The following CFTR variants were observed in gnomAD, a reference collection of about 807,000 sequenced individuals.
The protein encoded by CFTR is CF transmembrane conductance regulator, also known as cystic fibrosis transmembrane conductance regulator.
In CFTR, 181 loss-of-function variants were observed where a neutral mutation model predicts 171.6. The ratio of observed to expected loss-of-function variants is 1.05; its 90% CI spans 0.93 to 1.19. The LOEUF is 1.19. Ranked by LOEUF, CFTR falls within the 50% of genes most tolerant of loss-of-function variation. The pLI is 0.00. For missense variants in CFTR, 1,968 were observed against 1,734.7 expected (o/e 1.13, Z -2.39); for synonymous variants, 583 against 608.0 (o/e 0.96, Z 0.60).
At position 117,664,775 on chromosome 7, in the gene CFTR, A is replaced by G. The variant is rs397508666; in HGVS notation, c.4051A>G (p.Lys1351Glu). Reference sequence around the variant, plus strand: ...GGGCTGTGTCCTAAGCCATGGCCACAAGCAGTTGATGTGCTTGGCTAGATC... The same window carrying G: ...GGGCTGTGTCCTAAGCCATGGCCACGAGCAGTTGATGTGCTTGGCTAGATC... Reference protein sequence around the residue: ...DGGCVLSHGHKQLMCLARSVL... With the variant: ...DGGCVLSHGHEQLMCLARSVL... Residue 1351 changes from lysine to glutamate, a missense_variant, in exon 25 of 27, where the codon AAG becomes GAG. Physicochemically the swap from Lys to Glu is moderately conservative, Grantham distance 56 (BLOSUM62 1). Transcript: ENST00000003084. 6.2e-7 allele frequency: 1 copy of G among 1,614,066 alleles called. No individual in the cohort carries two copies.
intron 3 of CFTR, among the ~76,000 whole-genome samples, chr7:117,513,958 G>T (rs1262395272): frequency 6.6e-6 from 1 of 152,080 alleles, no homozygotes; most frequent in East Asian, 1.9e-4. Context: ...ATGCAACTCT[G>T]CCCTACCCCA....
chr7:117,524,714 T>G (rs752419767), intron 3 of CFTR, among the ~76,000 whole-genome samples: 19 of 152,216 alleles, frequency 1.2e-4, no homozygotes, highest in Admixed American at 1.2e-3. Flanking sequence ...CTTTCACTGA[T>G]TGCAGTAGCT....
rs1584822887 is a variant in CFTR at position 117,612,039 on chromosome 7, A to ATATATATATATATATG, written c.3367+245_3367+246insTGTATATATATATATA. ...TATATATATGTATATATATATATAT[A>ATATATATATATATATG]TATATATATATATACATATATATAT... On this transcript the variant is annotated intron_variant, in intron 20 of 26. Transcript: ENST00000003084. 1.5e-4 allele frequency among the ~76,000 whole-genome samples: 11 copies of ATATATATATATATATG among 73,658 alleles called. 1 individual carries two copies. In the East Asian group the frequency reaches 1.6e-3, roughly 10 times the overall value. 48.3% of individuals were successfully genotyped at this position (73,658 alleles called of 152,430 possible).
At chr7:117,569,112 G>A (rs571543336) in intron 11 of CFTR, among the ~76,000 whole-genome samples, 1 of 152,294 alleles carries the variant, frequency 6.6e-6, no homozygotes, top group South Asian at 2.1e-4. Context: ...CAGTATATGG[G>A]TTGTAAATGA....
intron 10 of CFTR, among the ~76,000 whole-genome samples, chr7:117,558,926 A>T (rs1323357730): frequency 1.3e-5 from 2 of 152,176 alleles, no homozygotes; most frequent in Non-Finnish European, 2.9e-5. Context: ...CAGTTATATA[A>T]ATCTTTGTTC....
In CFTR at chr7:117,587,725, A is replaced by G. The variant is rs1791962252; in HGVS notation, c.1585-14A>G. 4 of 1,519,218 alleles carry G rather than the reference A, an allele frequency of 2.6e-6. No individual in the cohort carries two copies. The highest frequency in any genetic ancestry group is 1.4e-5 in the African/African-American group (1 of 73,164). 94.1% of individuals were successfully genotyped at this position (1,519,218 alleles called of 1,614,324 possible). Reference sequence around the variant, plus strand: ...ACTAAAAGTGACTCTCTAATTTTCTATTTTTGGTAATAGGACATCTCCAAG... The same window carrying G: ...ACTAAAAGTGACTCTCTAATTTTCTGTTTTTGGTAATAGGACATCTCCAAG... On this transcript the variant is annotated splice_polypyrimidine_tract_variant and intron_variant, in intron 11 of 26. Coordinates refer to ENST00000003084, the MANE Select transcript of CFTR (RefSeq NM_000492.4).
At chr7:117,542,464 T>C (rs903937630) in intron 9 of CFTR, among the ~76,000 whole-genome samples, 9 of 151,990 alleles carry the variant, frequency 5.9e-5, no homozygotes, top group African/African-American at 2.2e-4. Context: ...GGAGAATCAC[T>C]TGAACCTGGG....
intron 21 of CFTR, among the ~76,000 whole-genome samples, chr7:117,621,198 CATG>C (rs768485079): frequency 1.3e-5 from 2 of 152,080 alleles, no homozygotes; most frequent in Non-Finnish European, 2.9e-5. Flanking sequence ...GGTGACTGAG[CATG>C]ATGTTTGTAA....
chr7:117,603,462 C>T (rs1166327140), intron 16 of CFTR, 70 bp from the exon 17 acceptor site: 1 of 1,572,326 alleles, frequency 6.4e-7, no homozygotes, highest in Non-Finnish European at 8.7e-7. Context: ...AGTTTAGTTC[C>T]ATTTACATGT....
chr7:117,541,536 A>G (rs1799052213), intron 8 of CFTR, among the ~76,000 whole-genome samples: 1 of 152,156 alleles, frequency 6.6e-6, no homozygotes, highest in Non-Finnish European at 1.5e-5. Flanking sequence ...TTCTTTTAGA[A>G]TCACAGTTTG....
intron 24 of CFTR, among the ~76,000 whole-genome samples, chr7:117,662,548 C>T (rs1793309056): frequency 6.6e-6 from 1 of 152,108 alleles, no homozygotes; most frequent in Middle Eastern, 3.2e-3. Context: ...GAAGGGGGCT[C>T]CATTTGGATG....
intron 3 of CFTR, among the ~76,000 whole-genome samples, chr7:117,530,471 AAT>A: frequency 6.6e-6 from 1 of 152,216 alleles, no homozygotes; most frequent in African/African-American, 2.4e-5. Context: ...ATGTGAAAAT[AAT>A]AATGCCTACT....
chr7:117,524,179 T>A (rs1436142436), intron 3 of CFTR, among the ~76,000 whole-genome samples: 1 of 152,182 alleles, frequency 6.6e-6, no homozygotes, highest in Admixed American at 6.5e-5. Context: ...AGAATTGACT[T>A]TATAAGCAGT....
intron 10 of CFTR, among the ~76,000 whole-genome samples, chr7:117,555,635 G>T (rs1321021347): frequency 6.6e-6 from 1 of 152,144 alleles, no homozygotes; most frequent in Non-Finnish European, 1.5e-5. Context: ...AGTTGTAACA[G>T]TACAAGAAAA....
chr7:117,496,846 A>G (rs1293044498), intron 1 of CFTR, among the ~76,000 whole-genome samples: 1 of 149,876 alleles, frequency 6.7e-6, no homozygotes, highest in African/African-American at 2.4e-5. Flanking sequence ...ACTATTATCT[A>G]CTCTTAAAAA....
chr7:117,481,169 A>G (rs909991222), intron 1 of CFTR, among the ~76,000 whole-genome samples: 1 of 152,214 alleles, frequency 6.6e-6, no homozygotes, highest in Non-Finnish European at 1.5e-5. Context: ...TTAATCCTGG[A>G]ACTCCGGTGC....
At chr7:117,611,377 C>T (rs1265583431) in intron 19 of CFTR, among the ~76,000 whole-genome samples, 1 of 151,560 alleles carries the variant, frequency 6.6e-6, no homozygotes, top group Non-Finnish European at 1.5e-5. Context: ...TCTCTGGTAG[C>T]CAAGTAAAAA....
chr7:117,583,314 T>C (rs1188215206), intron 11 of CFTR, among the ~76,000 whole-genome samples: 2 of 149,208 alleles, frequency 1.3e-5, no homozygotes, highest in Non-Finnish European at 3.0e-5. Flanking sequence ...TAGTCTTTTA[T>C]CCCCCCCCCG....
chr7:117,644,671 G>A (rs895869887), intron 23 of CFTR, among the ~76,000 whole-genome samples: 1 of 152,132 alleles, frequency 6.6e-6, no homozygotes, highest in Admixed American at 6.6e-5. Flanking sequence ...ATCACAACAC[G>A]TCATTAGTTT....
Sources: gnomAD v4.1 joint callset for allele counts (sites outside exome capture counted in the v4.1 genomes callset) on GRCh38, gnomAD v4.1.1 for gene constraint, MANE v1.5 for transcripts, NCBI Gene and HGNC (gene_info 2026-07-23, HGNC 2026-07-21) for gene names.